Variants in GPC5 observed in about 807,000 individuals in gnomAD.
GPC5 encodes the protein glypican 5.
GPC5 carries 47 observed loss-of-function variants against 53.9 expected under a neutral mutation model. The observed-to-expected ratio is 0.87, with a 90% CI of 0.69 to 1.11. The LOEUF (loss-of-function observed/expected upper bound fraction) is 1.11. GPC5 is among the 50% of genes most tolerant of loss of function. GPC5 has a pLI of 0.00. For missense variants in GPC5, 748 were observed against 713.1 expected (o/e 1.05, Z -0.56); for synonymous variants, 286 against 263.3 (o/e 1.09, Z -0.84).
intron 5 of GPC5, among the ~76,000 whole-genome samples, chr13:91,769,316 A>G (rs918535532): frequency 1.5e-4 from 23 of 152,206 alleles, no homozygotes; most frequent in Admixed American, 1.1e-3. Context: ...TAAAAAATAC[A>G]TTCACAGCAA....
intron 5 of GPC5, among the ~76,000 whole-genome samples, chr13:91,852,747 A>T (rs190384298): frequency 2.2e-4 from 34 of 152,286 alleles, no homozygotes; most frequent in Non-Finnish European, 4.7e-4. Flanking sequence ...GACCTCAACA[A>T]GTAATAGGAA....
At chr13:91,841,284 G>T (rs763039909) in intron 5 of GPC5, among the ~76,000 whole-genome samples, 1 of 150,912 alleles carries the variant, frequency 6.6e-6, no homozygotes, top group Non-Finnish European at 1.5e-5. Flanking sequence ...AATGAATCAT[G>T]TCATAAATTG....
At chr13:91,539,588 T>C (rs567295314) in intron 2 of GPC5, among the ~76,000 whole-genome samples, 2 of 152,304 alleles carry the variant, frequency 1.3e-5, no homozygotes, top group East Asian at 3.9e-4. Flanking sequence ...TCTCACTGGC[T>C]GTTTTTGGGT....
At position 91,571,758 on chromosome 13, in the gene GPC5, CAT is replaced by C. The variant is rs1418715551; in HGVS notation, c.326-121428_326-121427del. On this transcript the variant is annotated intron_variant, in intron 2 of 7. Transcript: ENST00000377067. ...ATATATGTATATATACACACATATACATGTGTATGTGTATATACACACACATA... is the reference window on the plus strand; with the variant it reads ...ATATATGTATATATACACACATATACGTGTATGTGTATATACACACACATA... 3.9e-3 allele frequency among the ~76,000 whole-genome samples: 369 copies of C among 94,192 alleles called. 9 individuals are homozygous for C. The highest frequency in any genetic ancestry group is 0.023 in the African/African-American group (355 of 15,134). 61.8% of individuals were successfully genotyped at this position (94,192 alleles called of 152,430 possible). A position where few individuals can be genotyped will look rare whatever the true frequency, so the allele number is the denominator to read the frequency against.
chr13:91,610,062 T>C (rs1468079777), intron 2 of GPC5, among the ~76,000 whole-genome samples: 1 of 152,206 alleles, frequency 6.6e-6, no homozygotes, highest in Non-Finnish European at 1.5e-5. Flanking sequence ...CAGCTGATGG[T>C]GATTTGGTGA....
chr13:91,551,382 C>G (rs1483257524), intron 2 of GPC5, among the ~76,000 whole-genome samples: 1 of 152,020 alleles, frequency 6.6e-6, no homozygotes, highest in Non-Finnish European at 1.5e-5. Context: ...ATGTGCCAAT[C>G]TCTGTTTACT....
chr13:91,610,633 G>C (rs1459591316), intron 2 of GPC5, among the ~76,000 whole-genome samples: 1 of 152,078 alleles, frequency 6.6e-6, no homozygotes, highest in Non-Finnish European at 1.5e-5. Flanking sequence ...TAGCTTTACT[G>C]TTTAGTTGAT....
At chr13:92,628,056 C>A (rs940098936) in intron 7 of GPC5, among the ~76,000 whole-genome samples, 3 of 151,912 alleles carry the variant, frequency 2.0e-5, no homozygotes, top group African/African-American at 7.3e-5. Flanking sequence ...ATCTTCCTGG[C>A]GTCAGCCTAA....
intron 6 of GPC5, among the ~76,000 whole-genome samples, chr13:91,949,963 G>C (rs2139057702): frequency 6.6e-6 from 1 of 152,288 alleles, no homozygotes; most frequent in East Asian, 1.9e-4. Flanking sequence ...CATGGAAAAT[G>C]GACTGAACTA....
chr13:91,842,093 A>G (rs996853692), intron 5 of GPC5, among the ~76,000 whole-genome samples: 11 of 152,078 alleles, frequency 7.2e-5, no homozygotes, highest in African/African-American at 2.7e-4. Context: ...TGCAACTCTT[A>G]AGTCTTACAG....
At position 92,360,541 on chromosome 13, in the gene GPC5, G is replaced by A. The variant is rs1235583165; in HGVS notation, c.1561+215552G>A. On this transcript the variant is annotated intron_variant, in intron 7 of 7. Coordinates refer to ENST00000377067, the MANE Select transcript of GPC5 (RefSeq NM_004466.6). ...ACATCATACTAAATGGGTAAAAGCT[G>A]GAAGAATTTCCCTTAAAAACTGGCA... Among the ~76,000 whole-genome samples, 4 of 151,154 alleles carry A rather than the reference G, an allele frequency of 2.6e-5. 2 individuals carry two copies. The highest frequency in any genetic ancestry group is 9.8e-5 in the African/African-American group (4 of 40,696).
intron 5 of GPC5, among the ~76,000 whole-genome samples, chr13:91,877,938 C>T (rs542775057): frequency 2.6e-5 from 4 of 152,252 alleles, no homozygotes; most frequent in African/African-American, 7.2e-5. Context: ...GAATTAGTCT[C>T]ATGAGATTTG....
At chr13:91,953,547 A>C (rs1175367120) in intron 6 of GPC5, among the ~76,000 whole-genome samples, 1 of 152,238 alleles carries the variant, frequency 6.6e-6, no homozygotes, top group East Asian at 1.9e-4. Context: ...GAATAAAAAA[A>C]GGGTACATTG....
At chr13:92,391,515 C>G (rs956132250) in intron 7 of GPC5, among the ~76,000 whole-genome samples, 1 of 152,110 alleles carries the variant, frequency 6.6e-6, no homozygotes, top group Non-Finnish European at 1.5e-5. Flanking sequence ...TACCTTCAGA[C>G]TTTATGTGCA....
rs1417537053 is a variant in GPC5 at position 91,398,968 on chromosome 13, C to G, written c.-79C>G. 3 of 1,482,878 alleles carry G rather than the reference C, an allele frequency of 2.0e-6. No homozygotes were observed. Among genetic ancestry groups the G allele is most frequent in the African/African-American group, 1.4e-5 (1 of 71,502 alleles). The allele number at this position is 1,482,878 out of a possible 1,614,324, so 91.9% of individuals were successfully genotyped here. Reference sequence around the variant, plus strand: ...CGCTCGAGAGCCTCGGCCGCTGTGTCTTCCACGTCTGCAGCTCAGCCAGGG... The same window carrying G: ...CGCTCGAGAGCCTCGGCCGCTGTGTGTTCCACGTCTGCAGCTCAGCCAGGG... On this transcript the variant is annotated 5_prime_UTR_variant, in exon 1 of 8. Coordinates refer to ENST00000377067, the MANE Select transcript of GPC5 (RefSeq NM_004466.6).
At chr13:91,527,355 G>A (rs563299474) in intron 2 of GPC5, among the ~76,000 whole-genome samples, 7 of 152,230 alleles carry the variant, frequency 4.6e-5, no homozygotes, top group Non-Finnish European at 1.0e-4. Flanking sequence ...ACTCAGCAGG[G>A]CAGTCATTAA....
chr13:91,894,401 G>T (rs1419759739), intron 5 of GPC5, among the ~76,000 whole-genome samples: 3 of 152,166 alleles, frequency 2.0e-5, no homozygotes, highest in Admixed American at 2.0e-4. Flanking sequence ...GTGTATGGTT[G>T]CAGTCTCTTA....
intron 7 of GPC5, among the ~76,000 whole-genome samples, chr13:92,809,561 G>A (rs947074708): frequency 2.6e-5 from 4 of 152,168 alleles, no homozygotes; most frequent in Non-Finnish European, 4.4e-5. Flanking sequence ...TGGTACACCT[G>A]CATGTGCAGA....
chr13:91,969,161 G>A (rs989110038), intron 6 of GPC5, among the ~76,000 whole-genome samples: 8 of 151,900 alleles, frequency 5.3e-5, no homozygotes, highest in African/African-American at 1.9e-4. Flanking sequence ...TAGAGGCAAG[G>A]TTTCCCCATG....
Sources: allele counts gnomAD v4.1 joint callset (sites outside exome capture counted in the v4.1 genomes callset), GRCh38; gene constraint gnomAD v4.1.1; transcripts MANE v1.5; gene names NCBI Gene and HGNC (gene_info 2026-07-23, HGNC 2026-07-21).